Variants in CDH4 observed in about 807,000 individuals in gnomAD.
The protein encoded by CDH4 is cadherin-4.
Under a neutral mutation model 86.0 loss-of-function variants are expected in CDH4, and 33 were observed. That is an observed-to-expected ratio of 0.38 (90% confidence interval 0.29 to 0.51). CDH4 has a LOEUF of 0.51. Among genes scored for constraint, CDH4 ranks in the 20% least tolerant of loss-of-function variants. CDH4 has a pLI of 0.86. For missense variants in CDH4, 1,114 were observed against 1,307.4 expected (o/e 0.85, Z 2.28); for synonymous variants, 555 against 549.4 (o/e 1.01, Z -0.14).
At chr20:61,555,308 G>A (rs940732549) in intron 2 of CDH4, among the ~76,000 whole-genome samples, 7 of 152,188 alleles carry the variant, frequency 4.6e-5, no homozygotes, top group South Asian at 2.1e-4. Context: ...GCGAGGATGC[G>A]GAGTGAAGCA....
chr20:61,306,916 G>C (rs189540563), intron 2 of CDH4, among the ~76,000 whole-genome samples: 54 of 152,306 alleles, frequency 3.5e-4, no homozygotes, highest in Admixed American at 6.5e-4. Flanking sequence ...GGAGCCATCT[G>C]TGTCCTGGCT....
chr20:61,383,284 A>C (rs2084918335), intron 2 of CDH4, among the ~76,000 whole-genome samples: 1 of 127,962 alleles, frequency 7.8e-6, no homozygotes, highest in Non-Finnish European at 1.5e-5. Flanking sequence ...AATATATGAT[A>C]TATATGAATA....
rs758095845 is a variant in CDH4 at position 61,729,258 on chromosome 20, C to T, written c.170-14305C>T. Among the ~76,000 whole-genome samples, 15 of 152,282 alleles carry T rather than the reference C, an allele frequency of 9.9e-5. No homozygotes were observed. In the East Asian group the frequency reaches 2.3e-3, roughly 23 times the overall value. ...AGTGGGAGGACTTCATTAGCGACAT[C>T]GCCCACATCAAGAGCCACTGTGCTT... On this transcript the variant is annotated intron_variant, in intron 2 of 15. Transcript: ENST00000614565.
chr20:61,873,907 C>T lies in CDH4; in HGVS notation c.1050+7C>T, dbSNP rs373678210. On this transcript the variant is annotated splice_region_variant and intron_variant, in intron 7 of 15. Transcript: ENST00000614565. The stretch of plus-strand genomic sequence containing the variant: ...GGCTGGCCTGGACCGAGAGGTGAGG[C>T]GGGGTGGGGTCTGCGTGCAGGCGGG... 39 of 1,612,170 alleles carry T rather than the reference C, an allele frequency of 2.4e-5. No homozygotes were observed. The African/African-American group carries it at 2.9e-4, about 12-fold the overall frequency.
intron 2 of CDH4, among the ~76,000 whole-genome samples, chr20:61,474,327 A>ATTTTTTTTTTTTTTTTTT (rs1170158714): frequency 8.0e-6 from 1 of 124,380 alleles, no homozygotes; most frequent in African/African-American, 3.1e-5. Flanking sequence ...CACCCAGCTA[A>ATTTTTTTTTTTTTTTTTT]TTTTTTTTTT....
intron 2 of CDH4, among the ~76,000 whole-genome samples, chr20:61,387,568 A>G (rs1014987001): frequency 7.2e-5 from 11 of 152,210 alleles, no homozygotes; most frequent in African/African-American, 2.7e-4. Flanking sequence ...ACAGACACAT[A>G]CAGAGACATA....
intron 2 of CDH4, among the ~76,000 whole-genome samples, chr20:61,321,663 T>G (rs1036256623): frequency 6.6e-6 from 1 of 152,188 alleles, no homozygotes; most frequent in African/African-American, 2.4e-5. Flanking sequence ...GTTGCCACTA[T>G]TTGATGGCAG....
intron 2 of CDH4, among the ~76,000 whole-genome samples, chr20:61,371,275 A>C (rs115194817): frequency 0.027 from 4,163 of 152,252 alleles, 195 homozygotes; most frequent in African/African-American, 0.095. Context: ...GATGGAGGCC[A>C]TCAGGGCCAT....
At chr20:61,543,020 T>C (rs1272285520) in intron 2 of CDH4, among the ~76,000 whole-genome samples, 1 of 152,222 alleles carries the variant, frequency 6.6e-6, no homozygotes, top group Non-Finnish European at 1.5e-5. Flanking sequence ...GAGTCTGATG[T>C]TCCAGGGCAG....
chr20:61,473,578 G>A (rs549125786), intron 2 of CDH4, among the ~76,000 whole-genome samples: 3 of 152,254 alleles, frequency 2.0e-5, no homozygotes, highest in South Asian at 2.1e-4. Context: ...AATTTAACTC[G>A]TAAGCAGAAG....
intron 2 of CDH4, among the ~76,000 whole-genome samples, chr20:61,739,760 G>A (rs1196139061): frequency 2.0e-5 from 3 of 152,254 alleles, no homozygotes; most frequent in Admixed American, 6.5e-5. Context: ...CCAAGGTTCA[G>A]GCAGACAGCA....
intron 6 of CDH4, among the ~76,000 whole-genome samples, chr20:61,862,233 G>A (rs767614870): frequency 7.2e-5 from 11 of 152,276 alleles, no homozygotes; most frequent in Non-Finnish European, 1.3e-4. Context: ...CTCCACCACC[G>A]GGTTCCAGTT....
intron 4 of CDH4, among the ~76,000 whole-genome samples, chr20:61,793,598 T>C (rs994089406): frequency 1.3e-5 from 2 of 151,780 alleles, no homozygotes; most frequent in Non-Finnish European, 1.5e-5. Flanking sequence ...TCCCAGCACT[T>C]TGGGAGGCCG....
chr20:61,541,489 C>T (rs772775165), intron 2 of CDH4, among the ~76,000 whole-genome samples: 6 of 152,222 alleles, frequency 3.9e-5, no homozygotes, highest in Admixed American at 3.9e-4. Context: ...GAAAAGGACA[C>T]ATGCTGTAGC....
intron 2 of CDH4, among the ~76,000 whole-genome samples, chr20:61,671,467 G>T (rs1272244728): frequency 6.6e-6 from 1 of 152,208 alleles, no homozygotes; most frequent in Non-Finnish European, 1.5e-5. Context: ...CTGCACTCCA[G>T]CGTGGGCAAC....
At chr20:61,848,823 G>C (rs77359174) in intron 5 of CDH4, among the ~76,000 whole-genome samples, 3 of 152,024 alleles carry the variant, frequency 2.0e-5, no homozygotes, top group South Asian at 4.1e-4. Context: ...CCACTGCACC[G>C]AGCCCACGTT....
At chr20:61,869,169 GTA>G (rs2146141729) in intron 6 of CDH4, among the ~76,000 whole-genome samples, 1 of 152,270 alleles carries the variant, frequency 6.6e-6, no homozygotes, top group Non-Finnish European at 1.5e-5. Flanking sequence ...TCTTCCCTTG[GTA>G]GAACTAGAAG....
chr20:61,738,317 G>A (rs974836142), intron 2 of CDH4: 10 of 152,340 alleles, frequency 6.6e-5, no homozygotes, highest in Admixed American at 6.5e-4. Flanking sequence ...GGCAGGTAGC[G>A]GCTGTGGGTA....
Position 61,937,646 on chromosome 20 carries a change from C to CT in CDH4, c.*704dup, listed in dbSNP as rs1491162554. ...CCTACCTTGTGGCTGCTCCCCACCCCTCCCGGATGCTGTGAGGAGCTCAGG... is the reference window on the plus strand; with the variant it reads ...CCTACCTTGTGGCTGCTCCCCACCCCTTCCCGGATGCTGTGAGGAGCTCAGG... On this transcript the variant is annotated 3_prime_UTR_variant, in exon 16 of 16. Transcript: ENST00000614565. 4 of 147,532 alleles carry CT rather than the reference C, an allele frequency of 2.7e-5. No individual in the cohort carries two copies. Among genetic ancestry groups the CT allele is most frequent in the African/African-American group, 1.0e-4 (4 of 39,146 alleles). The allele number at this position is 147,532 out of a possible 1,614,324, so 9.1% of individuals were successfully genotyped here. A position where few individuals can be genotyped will look rare whatever the true frequency, so the allele number is the denominator to read the frequency against.
Sources: gnomAD v4.1 joint callset for allele counts (sites outside exome capture counted in the v4.1 genomes callset) on GRCh38, gnomAD v4.1.1 for gene constraint, MANE v1.5 for transcripts, NCBI Gene and HGNC (gene_info 2026-07-23, HGNC 2026-07-21) for gene names.